INPP4B: variants seen among roughly 807,000 people sequenced by gnomAD.
INPP4B encodes the protein inositol polyphosphate 4-phosphatase type II.
INPP4B carries 55 observed loss-of-function variants against 122.5 expected under a neutral mutation model. The ratio of observed to expected loss-of-function variants is 0.45; its 90% CI spans 0.36 to 0.56. The LOEUF is 0.56. Ranked by LOEUF, INPP4B falls within the 20% of genes least tolerant of loss-of-function variation. The pLI, the probability that INPP4B is intolerant of heterozygous loss-of-function variation, is 0.00. For synonymous variants in INPP4B, 403 were observed against 388.7 expected, an observed-to-expected ratio of 1.04 and a Z score of -0.43; for missense variants, 1,000 against 1,097.7, an observed-to-expected ratio of 0.91 and a Z score of 1.26.
At chr4:142,076,590 A>G (rs1770821352) in intron 25 of INPP4B, among the ~76,000 whole-genome samples, 2 of 152,184 alleles carry the variant, frequency 1.3e-5, no homozygotes, top group Non-Finnish European at 1.5e-5. Flanking sequence ...GACAATACTT[A>G]GCAATCATGG....
intron 2 of INPP4B, among the ~76,000 whole-genome samples, chr4:142,673,165 G>A (rs1340997850): frequency 6.6e-6 from 1 of 152,050 alleles, no homozygotes; most frequent in Non-Finnish European, 1.5e-5. Context: ...CACACAGTGT[G>A]AATTTTCTAA....
intron 2 of INPP4B, among the ~76,000 whole-genome samples, chr4:142,519,877 T>C (rs1825868049): frequency 6.6e-6 from 1 of 152,120 alleles, no homozygotes; most frequent in Non-Finnish European, 1.5e-5. Flanking sequence ...TGAAAGATCA[T>C]ATCTTTGAAA....
intron 17 of INPP4B, among the ~76,000 whole-genome samples, chr4:142,158,389 A>G (rs1180312313): frequency 1.3e-5 from 2 of 152,104 alleles, no homozygotes; most frequent in African/African-American, 4.8e-5. Context: ...CTGAGGGCCA[A>G]CGTTGTTCAC....
In INPP4B at chr4:142,028,426, T is replaced by G. The variant is rs749021071; in HGVS notation, c.*356A>C. ...TCCTCTCTTCCATTTGGTTGGAGAGTGGTGCTCTGTGAATCACCCCTAGTC... is the reference window on the plus strand; with the variant it reads ...TCCTCTCTTCCATTTGGTTGGAGAGGGGTGCTCTGTGAATCACCCCTAGTC... On this transcript the variant is annotated 3_prime_UTR_variant, in exon 26 of 26. Coordinates refer to ENST00000262992, the MANE Select transcript of INPP4B (RefSeq NM_001101669.3). 9 of 249,034 alleles carry G rather than the reference T, an allele frequency of 3.6e-5. No individual in the cohort carries two copies. Among genetic ancestry groups the G allele is most frequent in the Non-Finnish European group, 7.0e-5 (9 of 129,062 alleles). The allele number at this position is 249,034 out of a possible 1,614,324, so 15.4% of individuals were successfully genotyped here.
intron 23 of INPP4B, among the ~76,000 whole-genome samples, chr4:142,105,901 C>A (rs1786823712): frequency 6.6e-6 from 1 of 151,964 alleles, no homozygotes; most frequent in Non-Finnish European, 1.5e-5. Context: ...AATGGCCTAA[C>A]CTCTACTCAT....
chr4:142,221,765 G>A lies in INPP4B; in HGVS notation c.837-12739C>T, dbSNP rs139786708. 4.8e-3 allele frequency among the ~76,000 whole-genome samples: 724 copies of A among 152,078 alleles called. 10 individuals are homozygous for A. The highest frequency in any genetic ancestry group is 0.016 in the African/African-American group (669 of 41,482). On this transcript the variant is annotated intron_variant, in intron 12 of 25. Coordinates refer to ENST00000262992, the MANE Select transcript of INPP4B (RefSeq NM_001101669.3). ...AGGTACTAGCCACATGTAGCTGTTCGGTACTTACAATGTAAGCAGGTGACT... is the reference window on the plus strand; with the variant it reads ...AGGTACTAGCCACATGTAGCTGTTCAGTACTTACAATGTAAGCAGGTGACT...
chr4:142,219,920 A>G (rs970549916), intron 12 of INPP4B, among the ~76,000 whole-genome samples: 3 of 152,172 alleles, frequency 2.0e-5, no homozygotes, highest in African/African-American at 7.2e-5. Context: ...TTTCATAGCA[A>G]TCTTCTGAGA....
At chr4:142,382,264 T>G (rs1478786163) in intron 7 of INPP4B, among the ~76,000 whole-genome samples, 1 of 151,948 alleles carries the variant, frequency 6.6e-6, no homozygotes, top group Non-Finnish European at 1.5e-5. Context: ...ATCCCAATAC[T>G]TTGGGAGGCC....
At chr4:142,578,401 T>C (rs1212739931) in intron 2 of INPP4B, among the ~76,000 whole-genome samples, 2 of 151,978 alleles carry the variant, frequency 1.3e-5, no homozygotes, top group Non-Finnish European at 2.9e-5. Flanking sequence ...CAATATCAAA[T>C]ATGGGATGAC....
chr4:142,517,794 T>C (rs1580264206), intron 2 of INPP4B, among the ~76,000 whole-genome samples: 2 of 152,266 alleles, frequency 1.3e-5, no homozygotes, highest in South Asian at 4.1e-4. Context: ...TCTCCCCTAA[T>C]ATACCTTAAT....
chr4:142,540,667 T>C (rs1828834587), intron 2 of INPP4B, among the ~76,000 whole-genome samples: 1 of 152,184 alleles, frequency 6.6e-6, no homozygotes, highest in African/African-American at 2.4e-5. Flanking sequence ...ATTGAACGTC[T>C]TTGTTGTGCT....
chr4:142,223,201 C>G (rs1428333358), intron 12 of INPP4B, among the ~76,000 whole-genome samples: 1 of 151,922 alleles, frequency 6.6e-6, no homozygotes, highest in Non-Finnish European at 1.5e-5. Context: ...TGCACACACA[C>G]ACACACACAC....
intron 1 of INPP4B, among the ~76,000 whole-genome samples, chr4:142,784,364 AAAATAAATAAATAAAT>A (rs3080884): frequency 0.014 from 1,996 of 137,780 alleles, 43 homozygotes; most frequent in African/African-American, 0.05. Flanking sequence ...CTCTGTCTCA[AAAATAAATAAATAAAT>A]AAATAAATAA....
chr4:142,427,497 T>A (rs1039549077), intron 5 of INPP4B: 13 of 665,790 alleles, frequency 2.0e-5, no homozygotes, highest in Middle Eastern at 2.4e-4. Context: ...TAAGTGATGA[T>A]GGTGTTGTTA....
intron 3 of INPP4B, among the ~76,000 whole-genome samples, chr4:142,443,517 A>G (rs192011814): frequency 1.1e-4 from 16 of 152,316 alleles, no homozygotes; most frequent in African/African-American, 2.6e-4. Context: ...CTTTATTACT[A>G]TAGAGTGATC....
intron 2 of INPP4B, among the ~76,000 whole-genome samples, chr4:142,498,214 T>C (rs1253062074): frequency 6.6e-6 from 1 of 151,426 alleles, no homozygotes; most frequent in East Asian, 2.0e-4. Context: ...TATATATATA[T>C]ATACACATAT....
chr4:142,812,804 A>C (rs771881168), intron 1 of INPP4B, among the ~76,000 whole-genome samples: 5 of 152,170 alleles, frequency 3.3e-5, no homozygotes, highest in Admixed American at 3.3e-4. Context: ...CACCTTCTCC[A>C]TTGATGTAGA....
chr4:142,201,853 G>A lies in INPP4B; in HGVS notation c.1072+6572C>T, dbSNP rs528208400. On this transcript the variant is annotated intron_variant, in intron 14 of 25. Coordinates refer to ENST00000262992, the MANE Select transcript of INPP4B (RefSeq NM_001101669.3). ...ATTTTTATTGTACCCTGCTCTTTAC[G>A]ATTTTTTGAACAGCTTTTACCATGG... Among the ~76,000 whole-genome samples, 10 of 151,912 alleles carry A rather than the reference G, an allele frequency of 6.6e-5. No individual in the cohort carries two copies. The South Asian group carries it at 8.3e-4, about 13-fold the overall frequency.
At chr4:142,655,140 T>C (rs189640350) in intron 2 of INPP4B, among the ~76,000 whole-genome samples, 49 of 152,270 alleles carry the variant, frequency 3.2e-4, no homozygotes, top group African/African-American at 1.1e-3. Context: ...GTTAACATTC[T>C]TCAAAAAACA....
Sources: gnomAD v4.1 joint callset for allele counts (sites outside exome capture counted in the v4.1 genomes callset) on GRCh38, gnomAD v4.1.1 for gene constraint, MANE v1.5 for transcripts, NCBI Gene and HGNC (gene_info 2026-07-23, HGNC 2026-07-21) for gene names.